Variants in SMAD9 observed in about 807,000 individuals in gnomAD.
SMAD9 encodes SMAD family member 9, also known as MAD homolog 9.
SMAD9 carries 36 observed loss-of-function variants against 46.1 expected under a neutral mutation model. The ratio of observed to expected loss-of-function variants is 0.78; its 90% CI spans 0.60 to 1.03. The LOEUF (loss-of-function observed/expected upper bound fraction) is 1.03, where lower values mean the gene tolerates loss of function less well. SMAD9 is among the 50% of genes least tolerant of loss of function. SMAD9 has a pLI of 0.00. For synonymous variants in SMAD9, 245 were observed against 237.1 expected (o/e 1.03, Z -0.31); for missense variants, 572 against 599.8 (o/e 0.95, Z 0.48).
chr13:36,917,424 C>G (rs968559793), intron 1 of SMAD9, among the ~76,000 whole-genome samples: 10 of 149,278 alleles, frequency 6.7e-5, no homozygotes, highest in East Asian at 5.9e-4. Flanking sequence ...TTTAGAATAA[C>G]TTTTCAACCC....
chr13:36,859,425 T>A (rs1311062548), intron 5 of SMAD9, among the ~76,000 whole-genome samples: 1 of 152,082 alleles, frequency 6.6e-6, no homozygotes, highest in Non-Finnish European at 1.5e-5. Context: ...AGTCATAGGA[T>A]GAGATAGGTT....
chr13:36,887,481 C>G (rs1044715593), intron 1 of SMAD9, among the ~76,000 whole-genome samples: 1 of 151,656 alleles, frequency 6.6e-6, no homozygotes, highest in African/African-American at 2.4e-5. Context: ...CTTCGGCCTC[C>G]CAAAGTGCTG....
chr13:36,895,223 G>A (rs2058518526), intron 1 of SMAD9, among the ~76,000 whole-genome samples: 1 of 152,086 alleles, frequency 6.6e-6, no homozygotes, highest in African/African-American at 2.4e-5. Context: ...TTCCTTAACT[G>A]TAAACAACGC....
chr13:36,852,706 T>C (rs763369636), intron 6 of SMAD9, among the ~76,000 whole-genome samples: 10 of 152,230 alleles, frequency 6.6e-5, no homozygotes, highest in African/African-American at 1.4e-4. Context: ...ATCTCCTCCA[T>C]GTGCCTGTAT....
intron 2 of SMAD9, among the ~76,000 whole-genome samples, chr13:36,873,901 G>T (rs1723981729): frequency 6.6e-6 from 1 of 152,144 alleles, no homozygotes; most frequent in South Asian, 2.1e-4. Flanking sequence ...AAACATAAAT[G>T]ATGTTTGTTC....
At chr13:36,912,217 C>G in intron 1 of SMAD9, among the ~76,000 whole-genome samples, 1 of 152,170 alleles carries the variant, frequency 6.6e-6, no homozygotes, top group East Asian at 1.9e-4. Context: ...AATAGTTCTC[C>G]TTTGCCTACA....
chr13:36,891,788 C>T (rs2058490814), intron 1 of SMAD9, among the ~76,000 whole-genome samples: 2 of 152,172 alleles, frequency 1.3e-5, no homozygotes, highest in Admixed American at 6.5e-5. Context: ...GAAATGACAA[C>T]AATTAGGCCC....
At chr13:36,916,192 G>A (rs2058697349) in intron 1 of SMAD9, among the ~76,000 whole-genome samples, 1 of 152,082 alleles carries the variant, frequency 6.6e-6, no homozygotes, top group Non-Finnish European at 1.5e-5. Flanking sequence ...ATTTTTATGC[G>A]GCTATGGTGG....
intron 4 of SMAD9, among the ~76,000 whole-genome samples, chr13:36,866,724 C>T (rs577327176): frequency 2.0e-5 from 3 of 152,204 alleles, no homozygotes; most frequent in Non-Finnish European, 2.9e-5. Context: ...CAGTAGCCTC[C>T]GCATTACAAG....
At chr13:36,909,338 T>C (rs2058642353) in intron 1 of SMAD9, among the ~76,000 whole-genome samples, 1 of 152,178 alleles carries the variant, frequency 6.6e-6, no homozygotes, top group South Asian at 2.1e-4. Context: ...TATTTTTCCA[T>C]GTAATAGTCT....
chr13:36,874,305 G>A (rs1291130529), intron 2 of SMAD9, among the ~76,000 whole-genome samples: 3 of 152,128 alleles, frequency 2.0e-5, no homozygotes, highest in Non-Finnish European at 2.9e-5. Flanking sequence ...CAAACACTGC[G>A]GGATAACTGG....
chr13:36,879,400 C>CGAA lies in SMAD9; in HGVS notation c.289_290insTTC (p.Trp96_Arg97insLeu), dbSNP rs1566026123. ...GTGGTGGGACTGCAGATCCGGCCAG[C>CGAA]GCCACACGCGACAGTAAATCACATG... On this transcript the variant is annotated inframe_insertion, in exon 2 of 7. Coordinates refer to ENST00000379826, the MANE Select transcript of SMAD9 (RefSeq NM_001127217.3). The CGAA allele has an allele frequency of 3.1e-6, 5 of 1,613,976 alleles. No individual in the cohort carries two copies. Among genetic ancestry groups the CGAA allele is most frequent in the Non-Finnish European group, 4.2e-6 (5 of 1,180,020 alleles).
At chr13:36,893,342 G>GT (rs567492460) in intron 1 of SMAD9, among the ~76,000 whole-genome samples, 20 of 150,506 alleles carry the variant, frequency 1.3e-4, no homozygotes, top group African/African-American at 2.4e-4. Flanking sequence ...CTGGATCATA[G>GT]TTTTTTTAAA....
intron 3 of SMAD9, among the ~76,000 whole-genome samples, chr13:36,870,658 G>A (rs896793619): frequency 1.3e-5 from 2 of 152,184 alleles, no homozygotes; most frequent in African/African-American, 4.8e-5. Flanking sequence ...GAGACCCCCA[G>A]TGGCTACCTG....
At chr13:36,858,290 G>T (rs574001389) in intron 5 of SMAD9, among the ~76,000 whole-genome samples, 11 of 152,346 alleles carry the variant, frequency 7.2e-5, no homozygotes, top group African/African-American at 2.6e-4. Flanking sequence ...AGGTCTTCCA[G>T]AGGACTGTGC....
chr13:36,915,545 A>C (rs773260188), intron 1 of SMAD9, among the ~76,000 whole-genome samples: 3 of 150,674 alleles, frequency 2.0e-5, no homozygotes, highest in South Asian at 4.2e-4. Context: ...GAATGAGACA[A>C]AGAGAGAGAG....
chr13:36,919,110 T>C (rs1251137603), intron 1 of SMAD9, among the ~76,000 whole-genome samples: 1 of 152,222 alleles, frequency 6.6e-6, no homozygotes, highest in African/African-American at 2.4e-5. Context: ...CCAAACTCGA[T>C]TTGTATCCTT....
intron 1 of SMAD9, among the ~76,000 whole-genome samples, chr13:36,917,544 G>C (rs144516236): frequency 2.0e-5 from 3 of 152,136 alleles, no homozygotes; most frequent in African/African-American, 7.2e-5. Flanking sequence ...ATTCTGGACA[G>C]TTTCCCGTTT....
At chr13:36,886,961 A>G (rs1020276167) in intron 1 of SMAD9, among the ~76,000 whole-genome samples, 1 of 151,696 alleles carries the variant, frequency 6.6e-6, no homozygotes, top group Non-Finnish European at 1.5e-5. Context: ...AAGAGAAGAC[A>G]CGAGTGTCCT....
Sources: allele counts gnomAD v4.1 joint callset (sites outside exome capture counted in the v4.1 genomes callset), GRCh38; gene constraint gnomAD v4.1.1; transcripts MANE v1.5; gene names NCBI Gene and HGNC (gene_info 2026-07-23, HGNC 2026-07-21).